The following NELL1 variants were observed in gnomAD, a reference collection of about 807,000 sequenced individuals.
NELL1 encodes the protein protein kinase C-binding protein NELL1.
Under a neutral mutation model 107.4 loss-of-function variants are expected in NELL1, and 76 were observed. The ratio of observed to expected loss-of-function variants is 0.71; its 90% CI spans 0.59 to 0.86. NELL1 has a LOEUF of 0.86. Among genes scored for constraint, NELL1 ranks in the 40% least tolerant of loss-of-function variants. The pLI, the probability that NELL1 is intolerant of heterozygous loss-of-function variation, is 0.00. For missense variants in NELL1, 1,024 were observed against 1,005.5 expected (o/e 1.02, Z -0.25); for synonymous variants, 353 against 341.2 (o/e 1.03, Z -0.38).
intron 14 of NELL1, among the ~76,000 whole-genome samples, chr11:21,343,370 C>T (rs1850617974): frequency 1.3e-5 from 2 of 152,152 alleles, no homozygotes; most frequent in South Asian, 2.1e-4. Flanking sequence ...TGCAGCCTCC[C>T]TCTCTTTCCT....
intron 12 of NELL1, among the ~76,000 whole-genome samples, chr11:21,084,835 A>G (rs934170505): frequency 3.3e-5 from 5 of 152,158 alleles, no homozygotes; most frequent in African/African-American, 1.2e-4. Flanking sequence ...CATTAAAAAT[A>G]CACTGTCCAG....
chr11:20,930,985 G>A (rs1590429887), intron 9 of NELL1, among the ~76,000 whole-genome samples: 1 of 152,108 alleles, frequency 6.6e-6, no homozygotes, highest in Non-Finnish European at 1.5e-5. Context: ...GGCACCTCTG[G>A]TAATTAAAAG....
intron 13 of NELL1, among the ~76,000 whole-genome samples, chr11:21,209,201 T>G (rs1200305638): frequency 6.6e-6 from 1 of 152,046 alleles, no homozygotes; most frequent in Admixed American, 6.6e-5. Flanking sequence ...ATAAATAACA[T>G]GTCTTTCAGC....
intron 12 of NELL1, among the ~76,000 whole-genome samples, chr11:21,103,764 T>C (rs1486763054): frequency 1.3e-5 from 2 of 152,230 alleles, no homozygotes; most frequent in Non-Finnish European, 2.9e-5. Context: ...AGACCATCAA[T>C]GTTTTATGAA....
intron 7 of NELL1, among the ~76,000 whole-genome samples, chr11:20,926,298 T>C (rs972329480): frequency 6.6e-6 from 1 of 152,086 alleles, no homozygotes; most frequent in Non-Finnish European, 1.5e-5. Flanking sequence ...GTATGAAAAG[T>C]GATCAGAAGA....
intron 15 of NELL1, among the ~76,000 whole-genome samples, chr11:21,403,468 C>T (rs976168021): frequency 2.0e-5 from 3 of 151,724 alleles, no homozygotes; most frequent in Admixed American, 6.6e-5. Context: ...TAAAGGTGCT[C>T]AAACAACGTT....
At chr11:21,199,625 G>A (rs979420484) in intron 13 of NELL1, among the ~76,000 whole-genome samples, 4 of 151,982 alleles carry the variant, frequency 2.6e-5, no homozygotes, top group Admixed American at 6.6e-5. Flanking sequence ...ATTGGTTACT[G>A]TGCAAAACTT....
chr11:20,742,886 T>G (rs898999872), intron 2 of NELL1, among the ~76,000 whole-genome samples: 1 of 152,022 alleles, frequency 6.6e-6, no homozygotes. Flanking sequence ...CTGTGGCAGG[T>G]AGGGGAGGGA....
At chr11:20,703,244 G>A (rs1453138493) in intron 2 of NELL1, among the ~76,000 whole-genome samples, 3 of 152,072 alleles carry the variant, frequency 2.0e-5, no homozygotes, top group Non-Finnish European at 2.9e-5. Flanking sequence ...TGTATGTGTC[G>A]AGGAATTTAT....
chr11:21,230,569 A>G (rs1333676304), intron 14 of NELL1, among the ~76,000 whole-genome samples: 1 of 152,236 alleles, frequency 6.6e-6, no homozygotes, highest in African/African-American at 2.4e-5. Flanking sequence ...TTTAGAAGTG[A>G]TAAGATTGAG....
chr11:20,900,411 A>G (rs1245917124), intron 5 of NELL1, among the ~76,000 whole-genome samples: 2 of 152,150 alleles, frequency 1.3e-5, no homozygotes, highest in Non-Finnish European at 2.9e-5. Flanking sequence ...ATATGCTACA[A>G]ATTCACATTG....
chr11:20,688,549 G>A (rs761473126), intron 2 of NELL1, among the ~76,000 whole-genome samples: 40 of 152,076 alleles, frequency 2.6e-4, no homozygotes, highest in Admixed American at 5.2e-4. Context: ...TTGCTGCAAA[G>A]AACATGATTT....
At chr11:21,310,258 C>T (rs949341379) in intron 14 of NELL1, among the ~76,000 whole-genome samples, 1 of 152,020 alleles carries the variant, frequency 6.6e-6, no homozygotes, top group Non-Finnish European at 1.5e-5. Context: ...TCTTTTACAT[C>T]AATCCTAATA....
intron 13 of NELL1, among the ~76,000 whole-genome samples, chr11:21,175,217 C>A (rs1416279705): frequency 6.6e-6 from 1 of 151,686 alleles, no homozygotes; most frequent in African/African-American, 2.4e-5. Flanking sequence ...GTTTGTGAGC[C>A]AGTAACCGCA....
intron 14 of NELL1, among the ~76,000 whole-genome samples, chr11:21,323,478 C>T (rs1850059586): frequency 6.6e-6 from 1 of 151,920 alleles, no homozygotes; most frequent in African/African-American, 2.4e-5. Flanking sequence ...TAATTTTTGC[C>T]CCATTTCTTA....
chr11:20,877,209 T>C (rs767433660), intron 4 of NELL1, among the ~76,000 whole-genome samples: 21 of 152,206 alleles, frequency 1.4e-4, no homozygotes, highest in Non-Finnish European at 2.8e-4. Flanking sequence ...TCTGTATAAC[T>C]AAGGAAGGTC....
At chr11:21,451,234 G>C (rs183009548) in intron 15 of NELL1, among the ~76,000 whole-genome samples, 23 of 144,802 alleles carry the variant, frequency 1.6e-4, no homozygotes, top group Middle Eastern at 3.5e-3. Flanking sequence ...AAAGAAAAAA[G>C]AAATTGAGAG....
chr11:20,679,026 C>A (rs776588671), intron 2 of NELL1, among the ~76,000 whole-genome samples: 1 of 152,156 alleles, frequency 6.6e-6, no homozygotes, highest in Non-Finnish European at 1.5e-5. Context: ...AACAAAAAGA[C>A]TTTCGCATGG....
At chr11:21,086,587 T>G (rs1225202933) in intron 12 of NELL1, among the ~76,000 whole-genome samples, 1 of 152,160 alleles carries the variant, frequency 6.6e-6, no homozygotes. Flanking sequence ...GAAAGCTTGA[T>G]GTACCCAGTT....
Sources: allele counts gnomAD v4.1 joint callset (sites outside exome capture counted in the v4.1 genomes callset), GRCh38; gene constraint gnomAD v4.1.1; transcripts MANE v1.5; gene names NCBI Gene and HGNC (gene_info 2026-07-23, HGNC 2026-07-21).